MSRA: variants seen among roughly 807,000 people sequenced by gnomAD.
The protein encoded by MSRA is methionine sulfoxide reductase A, also known as mitochondrial peptide methionine sulfoxide reductase.
Under a neutral mutation model 31.3 loss-of-function variants are expected in MSRA, and 54 were observed. The observed-to-expected ratio is 1.73, with a 90% confidence interval of 1.39 to 2.17. The LOEUF is 2.17. Among genes scored for constraint, MSRA ranks in the 30% most tolerant of loss-of-function variants. The pLI is 0.00. For missense variants in MSRA, 507 were observed against 300.9 expected (o/e 1.69, Z -5.07); for synonymous variants, 169 against 116.5 (o/e 1.45, Z -2.90).
intron 1 of MSRA, among the ~76,000 whole-genome samples, chr8:10,121,282 G>T (rs1801086036): frequency 6.6e-6 from 1 of 152,188 alleles, no homozygotes; most frequent in African/African-American, 2.4e-5. Flanking sequence ...TAGATAACTT[G>T]GCAGGGGAAC....
At chr8:10,066,501 G>A (rs1272398621) in intron 1 of MSRA, among the ~76,000 whole-genome samples, 1 of 152,098 alleles carries the variant, frequency 6.6e-6, no homozygotes, top group Non-Finnish European at 1.5e-5. Flanking sequence ...TTGCTTAATA[G>A]TACATCATAA....
intron 2 of MSRA, among the ~76,000 whole-genome samples, chr8:10,229,158 GAC>G (rs1195197047): frequency 1.3e-5 from 2 of 152,190 alleles, no homozygotes; most frequent in Non-Finnish European, 2.9e-5. Context: ...GTGACTCAGA[GAC>G]ACACACTCAC....
At chr8:10,233,452 G>T (rs1811668566) in intron 2 of MSRA, among the ~76,000 whole-genome samples, 1 of 152,234 alleles carries the variant, frequency 6.6e-6, no homozygotes, top group Non-Finnish European at 1.5e-5. Flanking sequence ...TGTTTAGGAT[G>T]TTCAAAGAGG....
intron 1 of MSRA, among the ~76,000 whole-genome samples, chr8:10,098,443 C>T (rs1003036497): frequency 3.3e-5 from 5 of 152,278 alleles, no homozygotes; most frequent in Admixed American, 6.5e-5. Flanking sequence ...TATAATTACT[C>T]GCTCATTTAT....
intron 1 of MSRA, among the ~76,000 whole-genome samples, chr8:10,195,397 C>T (rs28399250): frequency 0.027 from 4,086 of 152,268 alleles, 173 homozygotes; most frequent in African/African-American, 0.094. Flanking sequence ...CATGCCACCA[C>T]GCCAGGCTAA....
intron 1 of MSRA, among the ~76,000 whole-genome samples, chr8:10,144,064 C>T (rs1802931142): frequency 6.6e-6 from 1 of 152,024 alleles, no homozygotes. Flanking sequence ...GGTAACAGTA[C>T]CCAGACAGGG....
At position 10,054,315 on chromosome 8, in the gene MSRA, G is replaced by C. The variant is rs1802155943; in HGVS notation, c.-202G>C. ...CTGTCCAGGGAAGGAACACGCCCCC[G>C]GTGACAGCCGGTACGGCCCCGGGTT... On this transcript the variant is annotated 5_prime_UTR_variant, in exon 1 of 6. Coordinates refer to ENST00000317173, the MANE Select transcript of MSRA (RefSeq NM_012331.5). The C allele has an allele frequency of 2.5e-6, 1 of 392,266 alleles. No individual in the cohort carries two copies. The highest frequency in any genetic ancestry group is 8.0e-5 in the South Asian group (1 of 12,554). 24.3% of individuals were successfully genotyped at this position (392,266 alleles called of 1,614,324 possible).
chr8:10,110,386 C>T (rs931427780), intron 1 of MSRA, among the ~76,000 whole-genome samples: 2 of 152,152 alleles, frequency 1.3e-5, no homozygotes, highest in Non-Finnish European at 2.9e-5. Flanking sequence ...TTTTGTTACC[C>T]ACTAAGATGC....
chr8:10,087,678 T>C (rs1349566880), intron 1 of MSRA, among the ~76,000 whole-genome samples: 2 of 152,248 alleles, frequency 1.3e-5, no homozygotes, highest in African/African-American at 4.8e-5. Flanking sequence ...CAGTGTTCAA[T>C]GTCAGATGAC....
intron 1 of MSRA, among the ~76,000 whole-genome samples, chr8:10,072,065 G>C (rs909111506): frequency 1.8e-5 from 1 of 56,308 alleles, no homozygotes; most frequent in African/African-American, 5.4e-5. Flanking sequence ...GTGGGGAACA[G>C]ATAGAGCAAT....
At chr8:10,251,978 C>T (rs182822794) in intron 3 of MSRA, among the ~76,000 whole-genome samples, 1 of 152,268 alleles carries the variant, frequency 6.6e-6, no homozygotes, top group African/African-American at 2.4e-5. Flanking sequence ...CTCAGGCTTT[C>T]AGAAGGGTTC....
chr8:10,136,300 C>T (rs9657534), intron 1 of MSRA, among the ~76,000 whole-genome samples: 8,434 of 152,194 alleles, frequency 0.055, 779 homozygotes, highest in African/African-American at 0.19. Flanking sequence ...CTTCTGCTAT[C>T]GGACTTCTGG....
At chr8:10,361,719 CTT>C (rs1409153408) in intron 5 of MSRA, among the ~76,000 whole-genome samples, 1 of 152,136 alleles carries the variant, frequency 6.6e-6, no homozygotes, top group Non-Finnish European at 1.5e-5. Flanking sequence ...TAATGAAAGA[CTT>C]TTATTTAAAT....
chr8:10,315,353 A>T (rs879341780), intron 4 of MSRA, among the ~76,000 whole-genome samples: 7 of 152,180 alleles, frequency 4.6e-5, no homozygotes, highest in Non-Finnish European at 8.8e-5. Context: ...AGAGAGAGGG[A>T]AGGCATTGTC....
Position 10,075,958 on chromosome 8 carries a change from G to A in MSRA, c.142+21300G>A, listed in dbSNP as rs146902926. On this transcript the variant is annotated intron_variant, in intron 1 of 5. Coordinates refer to ENST00000317173, the MANE Select transcript of MSRA (RefSeq NM_012331.5). The stretch of plus-strand genomic sequence containing the variant: ...TCCACAGGACCTTTCATGACCATAC[G>A]TCGATGTCTGCCGCCTCAGTATAAA... Among the ~76,000 whole-genome samples, 29 of 152,258 alleles carry A rather than the reference G, an allele frequency of 1.9e-4. No individual in the cohort carries two copies. In the South Asian group the frequency reaches 2.1e-3, roughly 11 times the overall value.
intron 1 of MSRA, among the ~76,000 whole-genome samples, chr8:10,154,317 G>A (rs915078868): frequency 1.3e-5 from 2 of 152,002 alleles, no homozygotes; most frequent in East Asian, 1.9e-4. Flanking sequence ...CACCCAAATC[G>A]GCTTCACTGC....
rs1490007382 is a variant in MSRA, at chr8:10,359,844, G to T, written c.543+39855G>T. Among the ~76,000 whole-genome samples, 3 of 152,172 alleles carry T rather than the reference G, an allele frequency of 2.0e-5. No individual in the cohort carries two copies. The East Asian group carries it at 5.8e-4, about 29-fold the overall frequency. On this transcript the variant is annotated intron_variant, in intron 5 of 5. Coordinates refer to ENST00000317173, the MANE Select transcript of MSRA (RefSeq NM_012331.5). The stretch of plus-strand genomic sequence containing the variant: ...CAGTGGTCTTGAGTTTGAGGGAGGA[G>T]GAGTAGGTCATGTGGACTTTCTAAC...
chr8:10,414,937 C>T (rs565870507), intron 5 of MSRA, among the ~76,000 whole-genome samples: 2 of 152,168 alleles, frequency 1.3e-5, no homozygotes, highest in Admixed American at 6.5e-5. Flanking sequence ...CCATGTCTCC[C>T]GAAACTGAAA....
Position 10,169,901 on chromosome 8 carries a change from G to C in MSRA, c.143-37932G>C, listed in dbSNP as rs1361739275. On this transcript the variant is annotated intron_variant, in intron 1 of 5. Transcript: ENST00000317173. ...CTTGTAACTTTTTTGCCCATTCCTT[G>C]GTATTTTCTTTCTTTCTTTTTTTTT... Among the ~76,000 whole-genome samples, 3 of 144,854 alleles carry C rather than the reference G, an allele frequency of 2.1e-5. No homozygotes were observed. In the Admixed American group the frequency reaches 2.1e-4, roughly 10 times the overall value.
Sources: gnomAD v4.1 joint callset for allele counts (sites outside exome capture counted in the v4.1 genomes callset) on GRCh38, gnomAD v4.1.1 for gene constraint, MANE v1.5 for transcripts, NCBI Gene and HGNC (gene_info 2026-07-23, HGNC 2026-07-21) for gene names.